Variants in FBXL19 observed in about 807,000 individuals in gnomAD.
FBXL19 encodes F-box and leucine rich repeat protein 19.
Under a neutral mutation model 71.2 loss-of-function variants are expected in FBXL19, and 16 were observed. That is an observed-to-expected ratio of 0.22 (90% CI 0.15 to 0.34). The LOEUF is 0.34. Ranked by LOEUF, FBXL19 falls within the 10% of genes least tolerant of loss-of-function variation. The pLI, the probability that FBXL19 is intolerant of heterozygous loss-of-function variation, is 1.00. For synonymous variants in FBXL19, 447 were observed against 409.4 expected, an observed-to-expected ratio of 1.09 and a Z score of -1.11; for missense variants, 658 against 968.2, an observed-to-expected ratio of 0.68 and a Z score of 4.25.
At chr16:30,929,959 G>T in intron 6 of FBXL19, 114 bp from the exon 7 acceptor site, 2 of 1,396,976 alleles carry the variant, frequency 1.4e-6, no homozygotes, top group East Asian at 2.3e-5. Flanking sequence ...CAGAGCCAGG[G>T]CTGGAACTCA....
In FBXL19 at chr16:30,947,847, G is replaced by T. The variant is rs1213510158; in HGVS notation, c.*617G>T. On this transcript the variant is annotated 3_prime_UTR_variant, in exon 11 of 11. Coordinates refer to ENST00000338343, the MANE Select transcript of FBXL19 (RefSeq NM_001382779.1). ...CACCTCTCTGCTTCCCCCCTCCCCA[G>T]GCTTCAGTTCCTTCCCCCTGACCCT... 3 of 451,756 alleles carry T rather than the reference G, an allele frequency of 6.6e-6. No individual in the cohort carries two copies. The highest frequency in any genetic ancestry group is 1.3e-5 in the Non-Finnish European group (3 of 224,642). The allele number at this position is 451,756 out of a possible 1,614,324, so 28.0% of individuals were successfully genotyped here. A position where few individuals can be genotyped will look rare whatever the true frequency, so the allele number is the denominator to read the frequency against.
chr16:30,933,149 C>T (rs932072223), intron 7 of FBXL19, among the ~76,000 whole-genome samples: 3 of 151,298 alleles, frequency 2.0e-5, no homozygotes, highest in Admixed American at 6.6e-5. Flanking sequence ...TACAGGCATA[C>T]GGTACCACGC....
intron 7 of FBXL19, among the ~76,000 whole-genome samples, chr16:30,934,863 G>A (rs908508033): frequency 1.3e-5 from 2 of 152,204 alleles, no homozygotes; most frequent in Non-Finnish European, 1.5e-5. Flanking sequence ...ATGCTCAGGA[G>A]AAAGATACAC....
intron 7 of FBXL19, among the ~76,000 whole-genome samples, chr16:30,933,477 T>A (rs1179713447): frequency 1.3e-5 from 2 of 150,858 alleles, no homozygotes; most frequent in Admixed American, 1.3e-4. Context: ...TTAGAGAGGG[T>A]CTCTCTCTGT....
chr16:30,936,745 CTTT>C (rs77614872), intron 7 of FBXL19, among the ~76,000 whole-genome samples: 5 of 122,384 alleles, frequency 4.1e-5, no homozygotes, highest in Non-Finnish European at 3.5e-5. Context: ...CGCGCCCGAC[CTTT>C]TTTTTTTTTT....
At chr16:30,934,005 G>A (rs1327856998) in intron 7 of FBXL19, among the ~76,000 whole-genome samples, 2 of 150,766 alleles carry the variant, frequency 1.3e-5, no homozygotes, top group Admixed American at 6.6e-5. Context: ...CACCCGCCTC[G>A]GCCTCCCAAA....
At chr16:30,936,953 G>A (rs957391955) in intron 7 of FBXL19, among the ~76,000 whole-genome samples, 1 of 151,788 alleles carries the variant, frequency 6.6e-6, no homozygotes, top group Admixed American at 6.6e-5. Context: ...ATGTTGGCCA[G>A]GCTGGTCTTG....
intron 7 of FBXL19, among the ~76,000 whole-genome samples, chr16:30,931,006 A>G (rs1272926293): frequency 6.6e-6 from 1 of 151,950 alleles, no homozygotes; most frequent in Non-Finnish European, 1.5e-5. Flanking sequence ...ACTTCCGAAA[A>G]CAGTCTGACG....
intron 7 of FBXL19, among the ~76,000 whole-genome samples, chr16:30,937,870 C>T (rs1328785472): frequency 1.3e-5 from 2 of 151,968 alleles, no homozygotes; most frequent in Non-Finnish European, 2.9e-5. Context: ...GAAGTGGCTT[C>T]AAGGAAGTGG....
rs1353918135 is a variant in FBXL19 at position 30,930,245 on chromosome 16, T to C, written c.962T>C (p.Leu321Pro). The C allele has an allele frequency of 6.2e-6, 10 of 1,612,930 alleles. No individual in the cohort carries two copies. The East Asian group carries it at 1.6e-4, about 25-fold the overall frequency. Residue 321 changes from leucine to proline, a missense_variant, in exon 7 of 11, where the codon CTG becomes CCG. Physicochemically the swap from Leu to Pro is moderately conservative, Grantham distance 98. Transcript: ENST00000338343. This position sits in a 1 kb window ranked among gnomAD's most constrained non-coding sequence, Gnocchi z 8.5. ...GACTCCGACTCTTCGGGCACATCGC[T>C]GAGTGAGGACGAAGCCCCCGGCGAG... Reference protein sequence around the residue: ...DSDSDSSGTSLSEDEAPGEAR... With the variant: ...DSDSDSSGTSPSEDEAPGEAR...
chr16:30,925,082 A>C lies in FBXL19; in HGVS notation c.-25+623A>C, dbSNP rs544206696. On this transcript the variant is annotated intron_variant, in intron 1 of 10. Transcript: ENST00000338343. This position sits in a 1 kb window ranked among gnomAD's most constrained non-coding sequence, Gnocchi z 5.0. ...TTGGGCTGAGAAGGGTCTCTGAAGA[A>C]GCATCTCCAGGGCTGTCAGAGCTCT... 4.6e-5 allele frequency among the ~76,000 whole-genome samples: 7 copies of C among 152,286 alleles called. No homozygotes were observed. The highest frequency in any genetic ancestry group is 1.7e-4 in the African/African-American group (7 of 41,564).
In FBXL19 at chr16:30,948,677, A is replaced by ATC; in HGVS notation, c.*1447_*1448insTC. 2 of 152,188 alleles carry ATC rather than the reference A, an allele frequency of 1.3e-5. No homozygotes were observed. Among genetic ancestry groups the ATC allele is most frequent in the East Asian group, 3.9e-4 (2 of 5,130 alleles). 9.4% of individuals were successfully genotyped at this position (152,188 alleles called of 1,614,324 possible). ...AGAATGGGGCCGCTTGGGGGAGGGA[A>ATC]GAGGCAGCCCGGCGAGGGGCAAGCG... is the stretch of plus-strand genomic sequence containing the variant. On this transcript the variant is annotated 3_prime_UTR_variant, in exon 11 of 11. Coordinates refer to ENST00000338343, the MANE Select transcript of FBXL19 (RefSeq NM_001382779.1).
At chr16:30,941,089 A>G (rs889311425) in intron 7 of FBXL19, among the ~76,000 whole-genome samples, 1 of 152,198 alleles carries the variant, frequency 6.6e-6, no homozygotes, top group African/African-American at 2.4e-5. Context: ...AACGCTTTCT[A>G]TAATCAGAGT....
At chr16:30,934,826 G>A (rs1435859956) in intron 7 of FBXL19, among the ~76,000 whole-genome samples, 1 of 152,220 alleles carries the variant, frequency 6.6e-6, no homozygotes, top group Non-Finnish European at 1.5e-5. Context: ...ACTGACGTGT[G>A]TGGTGTGCTC....
chr16:30,945,242 C>G (rs2055844943), intron 9 of FBXL19, among the ~76,000 whole-genome samples: 1 of 152,106 alleles, frequency 6.6e-6, no homozygotes, highest in Admixed American at 6.5e-5. Context: ...TTCAGCATCA[C>G]CAGGCCTGGG....
At chr16:30,929,375 C>T (rs1418496393) in intron 6 of FBXL19, among the ~76,000 whole-genome samples, 2 of 152,108 alleles carry the variant, frequency 1.3e-5, no homozygotes, top group Non-Finnish European at 2.9e-5. Context: ...TCACTGTTAC[C>T]CTCAGTTGAT....
chr16:30,928,701 G>T, intron 6 of FBXL19, 73 bp downstream of exon 6: 1 of 1,185,738 alleles, frequency 8.4e-7, no homozygotes. Flanking sequence ...CCCAAGACCT[G>T]TCCCTTCCTG....
intron 9 of FBXL19, among the ~76,000 whole-genome samples, chr16:30,945,726 C>G (rs2055850953): frequency 6.7e-6 from 1 of 148,870 alleles, no homozygotes; most frequent in Non-Finnish European, 1.5e-5. Flanking sequence ...AATCCCAGCA[C>G]TTTGGGAGGC....
At chr16:30,932,544 C>T (rs1303413488) in intron 7 of FBXL19, among the ~76,000 whole-genome samples, 2 of 152,230 alleles carry the variant, frequency 1.3e-5, no homozygotes, top group African/African-American at 2.4e-5. Context: ...CCTTGAGTTT[C>T]ACTGGCTGCG....
Sources: allele counts gnomAD v4.1 joint callset (sites outside exome capture counted in the v4.1 genomes callset), GRCh38; gene constraint gnomAD v4.1.1; non-coding constraint Gnocchi (gnomAD v3.1); transcripts MANE v1.5; gene names NCBI Gene and HGNC (gene_info 2026-07-23, HGNC 2026-07-21).